TANC2: variants seen among roughly 807,000 people sequenced by gnomAD.
TANC2 encodes the protein protein TANC2.
A neutral mutation model predicts 210.5 loss-of-function variants in TANC2; 26 were observed. The ratio of observed to expected loss-of-function variants is 0.12; its 90% CI spans 0.09 to 0.17. TANC2 has a LOEUF of 0.17. Among genes scored for constraint, TANC2 ranks in the 10% least tolerant of loss-of-function variants. TANC2 has a pLI of 1.00. For synonymous variants in TANC2, 931 were observed against 967.1 expected, an observed-to-expected ratio of 0.96 and a Z score of 0.69; for missense variants, 2,129 against 2,608.9, an observed-to-expected ratio of 0.82 and a Z score of 4.01.
At chr17:63,066,355 G>A (rs1170164018) in intron 2 of TANC2, among the ~76,000 whole-genome samples, 3 of 152,108 alleles carry the variant, frequency 2.0e-5, no homozygotes, top group Non-Finnish European at 2.9e-5. Context: ...GGCCAGCCTG[G>A]TGGTAGGGCA....
At chr17:63,052,874 C>G (rs2035631191) in intron 2 of TANC2, among the ~76,000 whole-genome samples, 1 of 152,138 alleles carries the variant, frequency 6.6e-6, no homozygotes, top group African/African-American at 2.4e-5. Flanking sequence ...AACACTAAAA[C>G]TTGAATTTCA....
chr17:63,073,135 A>G (rs892098000), intron 2 of TANC2, among the ~76,000 whole-genome samples: 3 of 152,114 alleles, frequency 2.0e-5, no homozygotes, highest in African/African-American at 7.2e-5. Flanking sequence ...TAACAAATTT[A>G]TAGGTGTATA....
chr17:63,128,412 G>T (rs924860411), intron 4 of TANC2, among the ~76,000 whole-genome samples: 4 of 152,084 alleles, frequency 2.6e-5, no homozygotes, highest in African/African-American at 9.7e-5. Context: ...CAGTGAATTT[G>T]GGTGAAGGTA....
intron 4 of TANC2, among the ~76,000 whole-genome samples, chr17:63,113,249 A>G (rs553346452): frequency 6.6e-6 from 1 of 152,318 alleles, no homozygotes; most frequent in South Asian, 2.1e-4. Context: ...TTATAATGCT[A>G]AACTATATAT....
chr17:63,228,468 A>C (rs2042384906), intron 7 of TANC2, among the ~76,000 whole-genome samples: 1 of 152,178 alleles, frequency 6.6e-6, no homozygotes, highest in African/African-American at 2.4e-5. Flanking sequence ...TCTTTGAAGA[A>C]TGTCAGTGAT....
At chr17:63,257,977 C>T (rs1448138414) in intron 8 of TANC2, among the ~76,000 whole-genome samples, 1 of 152,144 alleles carries the variant, frequency 6.6e-6, no homozygotes, top group Admixed American at 6.5e-5. Context: ...TTTCTTATTG[C>T]TCATTAATGT....
At chr17:63,380,619 A>G (rs2047575208) in intron 15 of TANC2, among the ~76,000 whole-genome samples, 1 of 152,234 alleles carries the variant, frequency 6.6e-6, no homozygotes, top group African/African-American at 2.4e-5. Context: ...CAATCCCTAC[A>G]GCCTTTTCAG....
intron 2 of TANC2, among the ~76,000 whole-genome samples, chr17:63,069,628 T>C (rs2036324707): frequency 6.6e-6 from 1 of 152,194 alleles, no homozygotes; most frequent in Admixed American, 6.5e-5. Context: ...TTCATTTGTA[T>C]GTACATGAGT....
chr17:63,134,834 A>C (rs1330458419), intron 4 of TANC2, among the ~76,000 whole-genome samples: 3 of 152,218 alleles, frequency 2.0e-5, no homozygotes, highest in Admixed American at 2.0e-4. Flanking sequence ...CCACATAAAT[A>C]AGAGAAGATA....
chr17:63,352,486 A>G (rs907077411), intron 13 of TANC2, among the ~76,000 whole-genome samples: 33 of 152,178 alleles, frequency 2.2e-4, no homozygotes, highest in African/African-American at 7.7e-4. Context: ...AAAATTATAT[A>G]ACCTATCATT....
At chr17:63,240,161 A>G (rs796628366) in intron 8 of TANC2, among the ~76,000 whole-genome samples, 53 of 152,350 alleles carry the variant, frequency 3.5e-4, no homozygotes, top group African/African-American at 5.8e-4. Context: ...TTGCTCGTAT[A>G]TAAATAGAGG....
At chr17:63,210,424 C>CT in intron 7 of TANC2, among the ~76,000 whole-genome samples, 1 of 152,368 alleles carries the variant, frequency 6.6e-6, no homozygotes, top group African/African-American at 2.4e-5. Context: ...TCCGCACTAT[C>CT]TACCTCCCTC....
At position 63,140,947 on chromosome 17, in the gene TANC2, G is replaced by A. The variant is rs375117024; in HGVS notation, c.323-10323G>A. Among the ~76,000 whole-genome samples, 8 of 151,752 alleles carry A rather than the reference G, an allele frequency of 5.3e-5. No individual in the cohort carries two copies. In the East Asian group the frequency reaches 5.9e-4, roughly 11 times the overall value. ...GTAGTTTTAGTAGAGATGGGGTTTC[G>A]CCATGTTGGCCAGGCTGGTCTTGAA... On this transcript the variant is annotated intron_variant, in intron 4 of 27. Coordinates refer to ENST00000689528, the Ensembl canonical transcript of TANC2.
intron 1 of TANC2, among the ~76,000 whole-genome samples, chr17:62,997,928 A>G (rs570778643): frequency 7.9e-5 from 12 of 152,314 alleles, no homozygotes; most frequent in African/African-American, 2.4e-4. Context: ...AAGCTGGCAA[A>G]CAGGCTGAGA....
intron 5 of TANC2, among the ~76,000 whole-genome samples, chr17:63,165,276 A>T (rs1377630144): frequency 1.7e-5 from 1 of 57,722 alleles, no homozygotes; most frequent in Admixed American, 1.7e-4. Flanking sequence ...GACCCTATTT[A>T]AAAAAAAAAG....
chr17:63,230,166 C>T (rs910256620), intron 7 of TANC2, among the ~76,000 whole-genome samples: 1 of 151,846 alleles, frequency 6.6e-6, no homozygotes, highest in South Asian at 2.1e-4. Context: ...CTATTTGATT[C>T]TTCTCTCTTC....
At chr17:63,227,288 C>A (rs1326639958) in intron 7 of TANC2, among the ~76,000 whole-genome samples, 1 of 152,086 alleles carries the variant, frequency 6.6e-6, no homozygotes, top group African/African-American at 2.4e-5. Context: ...TTTTAATAAT[C>A]ACCATTCAGA....
exon 14 of TANC2, chr17:63,355,365 A>G (rs367715498): frequency 1.1e-5 from 18 of 1,589,712 alleles, no homozygotes; most frequent in Non-Finnish European, 8.5e-7. Flanking sequence ...AGAAGGAGAG[A>G]AAACCAAATT....
chr17:63,161,537 C>A (rs1363213892), intron 5 of TANC2, among the ~76,000 whole-genome samples: 1 of 152,162 alleles, frequency 6.6e-6, no homozygotes, highest in Admixed American at 6.5e-5. Flanking sequence ...CCCCAAAGCA[C>A]TTATTCTGTG....
Sources: gnomAD v4.1 joint callset for allele counts (sites outside exome capture counted in the v4.1 genomes callset) on GRCh38, gnomAD v4.1.1 for gene constraint, MANE v1.5 for transcripts, NCBI Gene and HGNC (gene_info 2026-07-23, HGNC 2026-07-21) for gene names.